The following PDE9A variants were observed in gnomAD, a reference collection of about 807,000 sequenced individuals.
PDE9A encodes phosphodiesterase 9A.
PDE9A carries 60 observed loss-of-function variants against 87.4 expected under a neutral mutation model. That is an observed-to-expected ratio of 0.69 (90% CI 0.56 to 0.85). The LOEUF is 0.85. Among genes scored for constraint, PDE9A ranks in the 40% least tolerant of loss-of-function variants. The probability of loss-of-function intolerance (pLI) is 0.00; values close to 1 mark genes in which losing one functional copy is unlikely to be tolerated. For synonymous variants in PDE9A, 272 were observed against 279.4 expected (o/e 0.97, Z 0.27); for missense variants, 665 against 779.0 (o/e 0.85, Z 1.74).
intron 1 of PDE9A, among the ~76,000 whole-genome samples, chr21:42,681,712 G>C (rs1013024256): frequency 6.6e-6 from 1 of 152,198 alleles, no homozygotes; most frequent in African/African-American, 2.4e-5. Flanking sequence ...AAGGGTTTGT[G>C]ATGACCTGCC....
At chr21:42,709,863 A>G (rs1265666730) in intron 4 of PDE9A, among the ~76,000 whole-genome samples, 1 of 152,184 alleles carries the variant, frequency 6.6e-6, no homozygotes, top group Non-Finnish European at 1.5e-5. Context: ...AGCAATCCGC[A>G]TCATGATGTT....
At chr21:42,677,797 C>T (rs533844611) in intron 1 of PDE9A, among the ~76,000 whole-genome samples, 12 of 152,322 alleles carry the variant, frequency 7.9e-5, no homozygotes, top group South Asian at 4.1e-4. Context: ...CACATGCCCC[C>T]ACGCCCAGCT....
intron 3 of PDE9A, chr21:42,697,618 G>A (rs1056661046): frequency 9.6e-6 from 7 of 730,522 alleles, no homozygotes; most frequent in Middle Eastern, 2.5e-4. Context: ...CAAGATGAGG[G>A]TGTGGGCAGG....
chr21:42,711,837 C>T (rs1287971232), intron 4 of PDE9A, among the ~76,000 whole-genome samples: 1 of 152,126 alleles, frequency 6.6e-6, no homozygotes, highest in African/African-American at 2.4e-5. Flanking sequence ...CCGCTGAATC[C>T]ATGGCTCCTT....
chr21:42,669,255 G>A (rs35960782), intron 1 of PDE9A, among the ~76,000 whole-genome samples: 3,433 of 152,162 alleles, frequency 0.023, 64 homozygotes, highest in Middle Eastern at 0.048. Flanking sequence ...AGGCTCCCCC[G>A]GAGATTCCCT....
In PDE9A at chr21:42,769,028, G is replaced by T; in HGVS notation, c.1463G>T (p.Ser488Ile). ...DCLLEEYFMQSDREKSEGLPV... is the reference protein window; with the variant it reads ...DCLLEEYFMQIDREKSEGLPV... ...CACTGTCTGCTGCATTCCCTGCAGA[G>T]CGACCGTGAGAAGTCAGAAGGCCTT... Residue 488 changes from serine to isoleucine, a missense_variant and splice_region_variant, in exon 17 of 20, where the codon AGC becomes ATC. Ser to Ile is a moderately radical substitution (Grantham distance 142). Coordinates refer to ENST00000291539, the MANE Select transcript of PDE9A (RefSeq NM_002606.3). 6.2e-7 allele frequency: 1 copy of T among 1,610,782 alleles called. No individual in the cohort carries two copies. The highest frequency in any genetic ancestry group is 8.5e-7 in the Non-Finnish European group (1 of 1,177,612).
chr21:42,773,870 C>T lies in PDE9A; in HGVS notation c.1768+1350C>T, dbSNP rs1290328400. On this transcript the variant is annotated intron_variant, in intron 19 of 19. Coordinates refer to ENST00000291539, the MANE Select transcript of PDE9A (RefSeq NM_002606.3). ...CTGTAGTCCCAGCACTTTGGGAGGC[C>T]AAGGTGGACGGATCACAAGGTCAGG... Among the ~76,000 whole-genome samples the T allele has an allele frequency of 6.0e-5, 9 of 149,378 alleles. No individual in the cohort carries two copies. In the South Asian group the frequency reaches 1.5e-3, roughly 25 times the overall value.
chr21:42,709,483 C>T lies in PDE9A; in HGVS notation c.262+10472C>T, dbSNP rs75882291. 6.8e-3 allele frequency among the ~76,000 whole-genome samples: 1,034 copies of T among 152,268 alleles called. 5 individuals carry two copies. The highest frequency in any genetic ancestry group is 0.017 in the Middle Eastern group (5 of 294). ...TTAAATTAAATTTTTTAAAAGTGCA[C>T]GTGCATGTAACCGCCACCACAATCA... On this transcript the variant is annotated intron_variant, in intron 4 of 19. Coordinates refer to ENST00000291539, the MANE Select transcript of PDE9A (RefSeq NM_002606.3).
chr21:42,771,548 G>A (rs1022766614), intron 18 of PDE9A, among the ~76,000 whole-genome samples: 1 of 152,048 alleles, frequency 6.6e-6, no homozygotes, highest in Non-Finnish European at 1.5e-5. Context: ...TGCCACCCCC[G>A]CTCCCCACAG....
At chr21:42,769,194 CAGAT>C (rs1158332281) in intron 17 of PDE9A, 39 bp downstream of exon 17, 1 of 1,593,290 alleles carries the variant, frequency 6.3e-7, no homozygotes, top group African/African-American at 1.3e-5. Context: ...TGCTTACACT[CAGAT>C]ACATGCATGC....
At chr21:42,727,937 G>A (rs2051313929) in intron 4 of PDE9A, among the ~76,000 whole-genome samples, 1 of 152,194 alleles carries the variant, frequency 6.6e-6, no homozygotes, top group Non-Finnish European at 1.5e-5. Context: ...ATTAGCAGCA[G>A]TGAGAGCAGA....
rs762202714 is a variant in PDE9A at position 42,759,831 on chromosome 21, GGT to G, written c.898-491_898-490del. 2.0e-5 allele frequency among the ~76,000 whole-genome samples: 3 copies of G among 150,050 alleles called. No homozygotes were observed. The highest frequency in any genetic ancestry group is 2.0e-4 in the East Asian group (1 of 5,078). On this transcript the variant is annotated intron_variant, in intron 11 of 19. Coordinates refer to ENST00000291539, the MANE Select transcript of PDE9A (RefSeq NM_002606.3). This position sits in a 1 kb window ranked among gnomAD's most constrained non-coding sequence, Gnocchi z 7.2. ...TGTGCATGTGTGTGTGTGGATGTGG[GGT>G]GTGTGAGTGTGTGGTGTGTGAGTGG...
intron 4 of PDE9A, among the ~76,000 whole-genome samples, chr21:42,721,886 G>A (rs1050279600): frequency 6.6e-6 from 1 of 152,032 alleles, no homozygotes; most frequent in Non-Finnish European, 1.5e-5. Flanking sequence ...TCTCTTTGGG[G>A]GCAAGTAATG....
At chr21:42,730,621 T>C (rs1395314285) in intron 4 of PDE9A, among the ~76,000 whole-genome samples, 1 of 152,218 alleles carries the variant, frequency 6.6e-6, no homozygotes. Flanking sequence ...AGGATCACTC[T>C]CTATGACTGC....
At chr21:42,743,307 A>G (rs2053504900) in intron 7 of PDE9A, among the ~76,000 whole-genome samples, 1 of 152,252 alleles carries the variant, frequency 6.6e-6, no homozygotes, top group Non-Finnish European at 1.5e-5. Flanking sequence ...TCCAATGAAA[A>G]GCTTTTCCCA....
intron 4 of PDE9A, among the ~76,000 whole-genome samples, chr21:42,710,173 C>G (rs71320550): frequency 2.0e-5 from 3 of 151,896 alleles, no homozygotes; most frequent in Admixed American, 2.0e-4. Flanking sequence ...TTTGGGAGGC[C>G]GAGGCGGGCG....
rs566349388 is a variant in PDE9A, at chr21:42,663,328, C to G, written c.69+9445C>G. Among the ~76,000 whole-genome samples, 8 of 152,100 alleles carry G rather than the reference C, an allele frequency of 5.3e-5. No individual in the cohort carries two copies. In the South Asian group the frequency reaches 1.7e-3, roughly 32 times the overall value. On this transcript the variant is annotated intron_variant, in intron 1 of 19. Transcript: ENST00000291539. ...ATACACACCGCGCACACATCACACA[C>G]ATGCACACACACCACACACGCACAG...
At chr21:42,685,329 C>T (rs1339685444) in intron 1 of PDE9A, among the ~76,000 whole-genome samples, 2 of 152,244 alleles carry the variant, frequency 1.3e-5, no homozygotes, top group Non-Finnish European at 2.9e-5. Context: ...CCATCCCGCG[C>T]GTAGGTGGTG....
chr21:42,680,020 G>GAA (rs1203323302), intron 1 of PDE9A, among the ~76,000 whole-genome samples: 2 of 152,242 alleles, frequency 1.3e-5, no homozygotes, highest in Non-Finnish European at 2.9e-5. Flanking sequence ...GAGGTCTTCA[G>GAA]AAAAATCCCC....
Sources: allele counts gnomAD v4.1 joint callset (sites outside exome capture counted in the v4.1 genomes callset), GRCh38; gene constraint gnomAD v4.1.1; non-coding constraint Gnocchi (gnomAD v3.1); transcripts MANE v1.5; gene names NCBI Gene and HGNC (gene_info 2026-07-23, HGNC 2026-07-21).